SERGEF: variants seen among roughly 807,000 people sequenced by gnomAD.
SERGEF encodes secretion regulating guanine nucleotide exchange factor, also known as secretion-regulating guanine nucleotide exchange factor.
A neutral mutation model predicts 50.0 loss-of-function variants in SERGEF; 51 were observed. The observed-to-expected ratio is 1.02, with a 90% CI of 0.81 to 1.29. The LOEUF is 1.29. Ranked by LOEUF, SERGEF falls within the 50% of genes most tolerant of loss-of-function variation. SERGEF has a pLI of 0.00. For missense variants in SERGEF, 521 were observed against 557.0 expected (o/e 0.94, Z 0.65); for synonymous variants, 205 against 212.4 (o/e 0.97, Z 0.30).
At chr11:17,914,993 G>A (rs192650419) in intron 9 of SERGEF, among the ~76,000 whole-genome samples, 17 of 152,338 alleles carry the variant, frequency 1.1e-4, no homozygotes, top group Admixed American at 2.6e-4. Flanking sequence ...AGAGAATATG[G>A]TTAGGAACGG....
At chr11:17,878,016 G>T (rs1851268737) in intron 10 of SERGEF, 192 bp downstream of exon 10, 5 of 543,100 alleles carry the variant, frequency 9.2e-6, no homozygotes, top group Non-Finnish European at 1.6e-5. Flanking sequence ...GATGCTCAAT[G>T]ATATGAATCG....
chr11:17,854,877 G>A (rs1384327791), intron 10 of SERGEF: 1 of 152,216 alleles, frequency 6.6e-6, no homozygotes, highest in Admixed American at 6.5e-5. Context: ...TACTGCTTCT[G>A]TCAAGCATCA....
chr11:17,912,975 G>T (rs564632970), intron 9 of SERGEF, among the ~76,000 whole-genome samples: 1 of 152,330 alleles, frequency 6.6e-6, no homozygotes, highest in South Asian at 2.1e-4. Context: ...GATAATGGGT[G>T]CAAAGGATCC....
chr11:17,890,454 G>T (rs1851511549), intron 9 of SERGEF, among the ~76,000 whole-genome samples: 1 of 152,188 alleles, frequency 6.6e-6, no homozygotes, highest in African/African-American at 2.4e-5. Flanking sequence ...CTGTGTGTGT[G>T]TGTGTCTGTA....
At chr11:17,908,964 C>T (rs1003673692) in intron 9 of SERGEF, among the ~76,000 whole-genome samples, 1 of 152,056 alleles carries the variant, frequency 6.6e-6, no homozygotes, top group Non-Finnish European at 1.5e-5. Flanking sequence ...TGGAACTCTC[C>T]CAAGAATAAA....
intron 9 of SERGEF, among the ~76,000 whole-genome samples, chr11:17,947,278 A>C (rs1480933957): frequency 6.6e-6 from 1 of 152,162 alleles, no homozygotes; most frequent in East Asian, 1.9e-4. Context: ...AAAAGATTCC[A>C]CTGGGCAAGC....
In SERGEF at chr11:17,871,460, CA is replaced by C. The variant is rs59785475; in HGVS notation, c.1048+6747del. Among the ~76,000 whole-genome samples the C allele has an allele frequency of 4.2e-3, 393 of 93,210 alleles. 2 individuals are homozygous for C. The highest frequency in any genetic ancestry group is 0.013 in the African/African-American group (302 of 24,082). The allele number at this position is 93,210 out of a possible 152,430, so 61.1% of individuals were successfully genotyped here. On this transcript the variant is annotated intron_variant, in intron 10 of 10. Coordinates refer to ENST00000265965, the MANE Select transcript of SERGEF (RefSeq NM_012139.4). ...TGGGTGACAGAGCGAGACTCCATCT[CA>C]AAAAAAAAAAAAAAAAAAAAGAGTA... is the stretch of plus-strand genomic sequence containing the variant.
intron 9 of SERGEF, among the ~76,000 whole-genome samples, chr11:17,915,695 G>A (rs1049082822): frequency 1.3e-5 from 2 of 152,110 alleles, no homozygotes; most frequent in Non-Finnish European, 2.9e-5. Flanking sequence ...TCACCCTCAC[G>A]ACACCTCACT....
intron 6 of SERGEF, among the ~76,000 whole-genome samples, chr11:17,994,340 G>T (rs1468488378): frequency 1.3e-5 from 2 of 152,016 alleles, no homozygotes; most frequent in Non-Finnish European, 2.9e-5. Context: ...GCCAGGCGTG[G>T]TGGCAGGCGC....
chr11:17,940,137 T>C (rs892603141), intron 9 of SERGEF, among the ~76,000 whole-genome samples: 1 of 152,126 alleles, frequency 6.6e-6, no homozygotes, highest in African/African-American at 2.4e-5. Context: ...GTCTAGCAAA[T>C]GAACTGAGTC....
intron 10 of SERGEF, among the ~76,000 whole-genome samples, chr11:17,877,110 C>A (rs1851250228): frequency 6.6e-6 from 1 of 152,214 alleles, no homozygotes; most frequent in Non-Finnish European, 1.5e-5. Context: ...CTGCTAAGAG[C>A]CACACACTGC....
rs112843886 is a variant in SERGEF at position 17,991,549 on chromosome 11, AG to A, written c.685+1381del. On this transcript the variant is annotated intron_variant, in intron 7 of 10. Transcript: ENST00000265965. This position sits in a 1 kb window ranked among gnomAD's most constrained non-coding sequence, Gnocchi z 4.9. ...AGTCCTTCTTCTGTAAAAGGAAGGG[AG>A]GAACTGGATACCCACTGGAGTCCCT... Among the ~76,000 whole-genome samples the A allele has an allele frequency of 6.6e-6, 1 of 152,328 alleles. No individual in the cohort carries two copies. Among genetic ancestry groups the A allele is most frequent in the African/African-American group, 2.4e-5 (1 of 41,576 alleles).
intron 10 of SERGEF, among the ~76,000 whole-genome samples, chr11:17,848,142 C>T (rs1360283118): frequency 1.3e-5 from 2 of 152,030 alleles, no homozygotes; most frequent in Non-Finnish European, 2.9e-5. Flanking sequence ...CAATTCTGAC[C>T]CTAAGGAAGG....
chr11:17,947,982 T>C (rs1296174383), intron 9 of SERGEF, among the ~76,000 whole-genome samples: 1 of 150,958 alleles, frequency 6.6e-6, no homozygotes, highest in African/African-American at 2.4e-5. Flanking sequence ...AGACGGAGTC[T>C]TGTTCTATCA....
intron 9 of SERGEF, among the ~76,000 whole-genome samples, chr11:17,940,243 T>C (rs1852536053): frequency 6.6e-6 from 1 of 151,936 alleles, no homozygotes; most frequent in Non-Finnish European, 1.5e-5. Flanking sequence ...CTCTAAACAT[T>C]CCTCTCCTTG....
At chr11:17,930,755 T>G (rs1241347063) in intron 9 of SERGEF, among the ~76,000 whole-genome samples, 1 of 152,136 alleles carries the variant, frequency 6.6e-6, no homozygotes. Context: ...GATGTGTGAT[T>G]TGGGACAAGA....
At chr11:17,819,773 C>T (rs561414131) in intron 10 of SERGEF, among the ~76,000 whole-genome samples, 3 of 152,238 alleles carry the variant, frequency 2.0e-5, no homozygotes, top group Non-Finnish European at 4.4e-5. Context: ...GAGCCCCTCA[C>T]ACATCAAAGA....
chr11:17,925,913 G>C (rs1852240974), intron 9 of SERGEF, among the ~76,000 whole-genome samples: 1 of 152,150 alleles, frequency 6.6e-6, no homozygotes, highest in Non-Finnish European at 1.5e-5. Flanking sequence ...AGCCTCAGCT[G>C]CCTTACTATC....
chr11:17,862,047 A>C (rs929914608), intron 10 of SERGEF, among the ~76,000 whole-genome samples: 1 of 152,152 alleles, frequency 6.6e-6, no homozygotes, highest in East Asian at 1.9e-4. Flanking sequence ...TTAGCCTGAC[A>C]TTAAAGCTTT....
Sources: gnomAD v4.1 joint callset for allele counts (sites outside exome capture counted in the v4.1 genomes callset) on GRCh38, gnomAD v4.1.1 for gene constraint, Gnocchi (gnomAD v3.1) non-coding constraint, MANE v1.5 for transcripts, NCBI Gene and HGNC (gene_info 2026-07-23, HGNC 2026-07-21) for gene names.